GPC6: variants seen among roughly 807,000 people sequenced by gnomAD.
GPC6 encodes glypican-6.
GPC6 carries 14 observed loss-of-function variants against 55.2 expected under a neutral mutation model. That is an observed-to-expected ratio of 0.25 (90% CI 0.17 to 0.40). The LOEUF (loss-of-function observed/expected upper bound fraction) is 0.40, where lower values mean the gene tolerates loss of function less well. Ranked by LOEUF, GPC6 falls within the 10% of genes least tolerant of loss-of-function variation. The pLI is 1.00. For missense variants in GPC6, 641 were observed against 708.5 expected (o/e 0.90, Z 1.08); for synonymous variants, 278 against 259.6 (o/e 1.07, Z -0.68).
chr13:93,642,320 G>A (rs1879985973), intron 2 of GPC6, among the ~76,000 whole-genome samples: 1 of 152,074 alleles, frequency 6.6e-6, no homozygotes, highest in Non-Finnish European at 1.5e-5. Flanking sequence ...CAGAGGACAT[G>A]ATCTCATTCA....
At chr13:93,687,905 T>TA (rs1031437760) in intron 2 of GPC6, among the ~76,000 whole-genome samples, 2 of 151,544 alleles carry the variant, frequency 1.3e-5, no homozygotes, top group African/African-American at 4.8e-5. Flanking sequence ...CTTTTTTTTT[T>TA]ATGAGAAAAA....
intron 2 of GPC6, among the ~76,000 whole-genome samples, chr13:93,589,441 A>T (rs1377340416): frequency 6.6e-6 from 1 of 152,216 alleles, no homozygotes. Context: ...AATTTTATTG[A>T]TAAACCAATT....
intron 4 of GPC6, among the ~76,000 whole-genome samples, chr13:94,139,067 T>G (rs1300030569): frequency 6.6e-6 from 1 of 151,270 alleles, no homozygotes; most frequent in Non-Finnish European, 1.5e-5. Flanking sequence ...GAAGATATGG[T>G]AGGAGTTAGC....
At chr13:94,240,045 G>C (rs1026049749) in intron 4 of GPC6, among the ~76,000 whole-genome samples, 1 of 152,098 alleles carries the variant, frequency 6.6e-6, no homozygotes, top group African/African-American at 2.4e-5. Flanking sequence ...AGGTATTTGA[G>C]GGTGTTCATA....
intron 3 of GPC6, among the ~76,000 whole-genome samples, chr13:93,988,099 C>T (rs1393064579): frequency 6.6e-6 from 1 of 152,158 alleles, no homozygotes; most frequent in African/African-American, 2.4e-5. Flanking sequence ...AGAATTACCA[C>T]GGGTAGTTTT....
intron 4 of GPC6, among the ~76,000 whole-genome samples, chr13:94,209,643 T>C (rs12429678): frequency 0.029 from 4,385 of 151,178 alleles, 91 homozygotes; most frequent in South Asian, 0.063. Context: ...TTTAAGACAA[T>C]ACCAGAAAAA....
At chr13:94,235,449 T>G (rs2139018559) in intron 4 of GPC6, among the ~76,000 whole-genome samples, 1 of 152,316 alleles carries the variant, frequency 6.6e-6, no homozygotes, top group South Asian at 2.1e-4. Flanking sequence ...CAGGGCCAAT[T>G]GATCCCTAAG....
chr13:93,274,864 C>A (rs546629175), intron 1 of GPC6, among the ~76,000 whole-genome samples: 1 of 152,108 alleles, frequency 6.6e-6, no homozygotes, highest in Non-Finnish European at 1.5e-5. Flanking sequence ...ATTTCCTGTG[C>A]TTTCAAAGTG....
At chr13:94,045,017 G>T (rs1356214146) in intron 4 of GPC6, among the ~76,000 whole-genome samples, 1 of 151,664 alleles carries the variant, frequency 6.6e-6, no homozygotes, top group Non-Finnish European at 1.5e-5. Flanking sequence ...TTTGTGAATA[G>T]CCTATGTTAC....
At chr13:94,150,249 T>C (rs1447872224) in intron 4 of GPC6, among the ~76,000 whole-genome samples, 2 of 152,148 alleles carry the variant, frequency 1.3e-5, no homozygotes, top group Non-Finnish European at 2.9e-5. Flanking sequence ...CACTTAATTC[T>C]ATTTGCCTAA....
At chr13:93,780,002 T>C (rs765753004) in intron 2 of GPC6, among the ~76,000 whole-genome samples, 1 of 152,128 alleles carries the variant, frequency 6.6e-6, no homozygotes, top group Non-Finnish European at 1.5e-5. Context: ...ATGTGAGTTA[T>C]CTTACAAATA....
intron 1 of GPC6, among the ~76,000 whole-genome samples, chr13:93,231,301 T>A (rs1875994517): frequency 6.9e-6 from 1 of 144,524 alleles, no homozygotes. Context: ...CAAAATCTAT[T>A]CTTTCCTCAT....
At chr13:93,512,701 G>A (rs1417490946) in intron 1 of GPC6, among the ~76,000 whole-genome samples, 3 of 151,972 alleles carry the variant, frequency 2.0e-5, no homozygotes, top group African/African-American at 7.2e-5. Context: ...ATTTGGTTAG[G>A]AGAAGGAAGA....
intron 3 of GPC6, among the ~76,000 whole-genome samples, chr13:93,831,319 G>A (rs1275512835): frequency 6.6e-6 from 1 of 152,112 alleles, no homozygotes; most frequent in African/African-American, 2.4e-5. Context: ...ATCTGCTTTT[G>A]TTTAAGTTCT....
intron 1 of GPC6, among the ~76,000 whole-genome samples, chr13:93,389,264 G>A (rs935706563): frequency 2.0e-5 from 3 of 151,956 alleles, no homozygotes; most frequent in East Asian, 1.9e-4. Context: ...TTGGGAAGGC[G>A]AGACAGGCAG....
At chr13:94,359,134 A>C (rs993477262) in intron 6 of GPC6, among the ~76,000 whole-genome samples, 4 of 152,216 alleles carry the variant, frequency 2.6e-5, no homozygotes, top group African/African-American at 9.6e-5. Context: ...AACATTGAGA[A>C]ACCCTCTTAC....
chr13:94,385,674 A>T (rs2139211593), intron 7 of GPC6, among the ~76,000 whole-genome samples: 1 of 152,200 alleles, frequency 6.6e-6, no homozygotes, highest in African/African-American at 2.4e-5. Context: ...CTAATATTAT[A>T]TTTTTATATA....
chr13:93,577,009 G>A (rs569854026), intron 2 of GPC6, among the ~76,000 whole-genome samples: 1 of 152,124 alleles, frequency 6.6e-6, no homozygotes, highest in South Asian at 2.1e-4. Flanking sequence ...TAAACTTTTG[G>A]TGCCAGGCAC....
At chr13:93,866,182 A>G (rs1888958979) in intron 3 of GPC6, among the ~76,000 whole-genome samples, 1 of 151,712 alleles carries the variant, frequency 6.6e-6, no homozygotes, top group Non-Finnish European at 1.5e-5. Flanking sequence ...TTTGAAAGTA[A>G]TGTTATTTAC....
Sources: gnomAD v4.1 joint callset for allele counts (sites outside exome capture counted in the v4.1 genomes callset) on GRCh38, gnomAD v4.1.1 for gene constraint, MANE v1.5 for transcripts, NCBI Gene and HGNC (gene_info 2026-07-23, HGNC 2026-07-21) for gene names.